MBP: variants seen among roughly 807,000 people sequenced by gnomAD.
MBP encodes the protein myelin basic protein.
MBP carries 16 observed loss-of-function variants against 35.8 expected under a neutral mutation model. That is an observed-to-expected ratio of 0.45 (90% CI 0.30 to 0.68). The LOEUF (loss-of-function observed/expected upper bound fraction) is 0.68. Among genes scored for constraint, MBP ranks in the 30% least tolerant of loss-of-function variants. MBP has a pLI of 0.08. For missense variants in MBP, 380 were observed against 404.7 expected, an observed-to-expected ratio of 0.94 and a Z score of 0.52; for synonymous variants, 143 against 159.6, an observed-to-expected ratio of 0.90 and a Z score of 0.78.
intron 4 of MBP, among the ~76,000 whole-genome samples, chr18:76,996,566 G>A (rs999189031): frequency 6.6e-6 from 1 of 152,164 alleles, no homozygotes; most frequent in Non-Finnish European, 1.5e-5. Flanking sequence ...CTTGTTACAG[G>A]CAACAGCTTA....
At chr18:77,072,187 T>C (rs1420667331) in intron 2 of MBP, among the ~76,000 whole-genome samples, 2 of 152,136 alleles carry the variant, frequency 1.3e-5, no homozygotes, top group African/African-American at 4.8e-5. Context: ...ATAATTCTTA[T>C]CTCATTTCTA....
chr18:77,011,908 G>T (rs1971376789), intron 4 of MBP, among the ~76,000 whole-genome samples: 1 of 152,220 alleles, frequency 6.6e-6, no homozygotes, highest in African/African-American at 2.4e-5. Flanking sequence ...GAGTGCTATT[G>T]TGTGTTTTTT....
At chr18:77,084,413 C>CCT (rs1555726620) in intron 2 of MBP, among the ~76,000 whole-genome samples, 30 of 46,230 alleles carry the variant, frequency 6.5e-4, no homozygotes, top group Non-Finnish European at 1.5e-3. Flanking sequence ...ACAACACCGC[C>CCT]CCCCCCGCCA....
intron 7 of MBP, chr18:76,986,314 C>G (rs1969555831): frequency 2.0e-6 from 2 of 985,382 alleles, no homozygotes; most frequent in South Asian, 9.4e-5. Context: ...CAGCCTGCAG[C>G]CTTTCTTCCA....
At chr18:77,009,904 C>A (rs367640323) in intron 4 of MBP, 1 of 1,593,758 alleles carries the variant, frequency 6.3e-7, no homozygotes, top group East Asian at 2.3e-5. Flanking sequence ...CAGAGGGCTC[C>A]GGCCCGGCTT....
At chr18:77,008,439 G>A (rs893549899) in intron 4 of MBP, among the ~76,000 whole-genome samples, 1 of 152,212 alleles carries the variant, frequency 6.6e-6, no homozygotes, top group African/African-American at 2.4e-5. Context: ...AAAACCAAGT[G>A]CGGCTTCACA....
At chr18:76,991,949 T>A (rs1462530494) in intron 4 of MBP, among the ~76,000 whole-genome samples, 2 of 152,218 alleles carry the variant, frequency 1.3e-5, no homozygotes, top group African/African-American at 4.8e-5. Flanking sequence ...AATGGTGGAA[T>A]TCAGTGGGTG....
At chr18:76,991,031 C>T (rs2123152253) in intron 4 of MBP, 1 of 199,438 alleles carries the variant, frequency 5.0e-6, no homozygotes, top group Non-Finnish European at 1.1e-5. Flanking sequence ...CCCCAGGCTT[C>T]TGGGCTGAAT....
At chr18:77,050,180 CAT>C (rs1435923850) in intron 3 of MBP, among the ~76,000 whole-genome samples, 8 of 152,294 alleles carry the variant, frequency 5.3e-5, no homozygotes, top group Admixed American at 2.0e-4. Flanking sequence ...CAAGAAATCA[CAT>C]GTCTAAAAAT....
intron 2 of MBP, among the ~76,000 whole-genome samples, chr18:77,089,842 T>A (rs1294698222): frequency 2.6e-5 from 4 of 152,212 alleles, no homozygotes; most frequent in African/African-American, 9.6e-5. Flanking sequence ...TTCAGGCCCT[T>A]GTCTCTTCTT....
chr18:77,033,714 C>T (rs553280702), intron 3 of MBP, among the ~76,000 whole-genome samples: 1 of 151,914 alleles, frequency 6.6e-6, no homozygotes, highest in African/African-American at 2.4e-5. Context: ...CATCCATTCA[C>T]CCAGCATCTG....
At chr18:77,019,819 C>G (rs1310265211) in intron 3 of MBP, among the ~76,000 whole-genome samples, 1 of 152,182 alleles carries the variant, frequency 6.6e-6, no homozygotes, top group Non-Finnish European at 1.5e-5. Context: ...GCAGCCCCCA[C>G]TGGAAGCCTG....
At chr18:77,090,219 G>C (rs186110901) in intron 2 of MBP, among the ~76,000 whole-genome samples, 4 of 152,154 alleles carry the variant, frequency 2.6e-5, no homozygotes, top group Non-Finnish European at 5.9e-5. Context: ...TGAGACAAAC[G>C]TGCTTTCCTC....
At chr18:77,090,855 G>A (rs1052204894) in intron 2 of MBP, among the ~76,000 whole-genome samples, 4 of 152,132 alleles carry the variant, frequency 2.6e-5, no homozygotes, top group East Asian at 3.9e-4. Flanking sequence ...CTCTCCCCTC[G>A]TTCCCCTGGA....
At position 76,980,230 on chromosome 18, in the gene MBP, G is replaced by A; in HGVS notation, c.*197C>T. The A allele has an allele frequency of 1.5e-6, 1 of 683,472 alleles. No homozygotes were observed. Among genetic ancestry groups the A allele is most frequent in the Non-Finnish European group, 2.7e-6 (1 of 377,070 alleles). 42.3% of individuals were successfully genotyped at this position (683,472 alleles called of 1,614,324 possible). A position where few individuals can be genotyped will look rare whatever the true frequency, so the allele number is the denominator to read the frequency against. ...AAAGGGACAGTTTTAACCGTTTTCT[G>A]TTTTCATGTTCTCATTTAACTGTTG... On this transcript the variant is annotated 3_prime_UTR_variant, in exon 9 of 9. Transcript: ENST00000355994.
intron 3 of MBP, among the ~76,000 whole-genome samples, chr18:77,051,257 T>G (rs1973476508): frequency 6.6e-6 from 1 of 152,220 alleles, no homozygotes; most frequent in South Asian, 2.1e-4. Context: ...ACGTTCCCAT[T>G]TCAGTGTGCC....
At chr18:77,052,097 T>C (rs1221494407) in intron 3 of MBP, among the ~76,000 whole-genome samples, 1 of 152,154 alleles carries the variant, frequency 6.6e-6, no homozygotes, top group Non-Finnish European at 1.5e-5. Flanking sequence ...CCCGAGACTG[T>C]GCCCTCTGAG....
chr18:77,096,140 G>T (rs796313184), intron 2 of MBP, among the ~76,000 whole-genome samples: 4 of 152,308 alleles, frequency 2.6e-5, no homozygotes, highest in African/African-American at 9.6e-5. Context: ...ACTCCTAGTT[G>T]GAAAAAGTCA....
In MBP at chr18:77,018,957, T is replaced by TTC. The variant is rs1568295570; in HGVS notation, c.140-1690_140-1689insGA. Reference sequence around the variant, plus strand: ...TTACCTACCTGTTCATCCATCCATCTATCCATTCATCCATCCATCCATCCA... The same window carrying TTC: ...TTACCTACCTGTTCATCCATCCATCTTCATCCATTCATCCATCCATCCATCCA... On this transcript the variant is annotated intron_variant, in intron 3 of 8. Coordinates refer to ENST00000355994, the MANE Select transcript of MBP (RefSeq NM_001025101.2). Among the ~76,000 whole-genome samples the TTC allele has an allele frequency of 8.2e-4, 50 of 61,172 alleles. 1 individual carries two copies. Among genetic ancestry groups the TTC allele is most frequent in the Admixed American group, 6.8e-3 (42 of 6,200 alleles). 40.1% of individuals were successfully genotyped at this position (61,172 alleles called of 152,430 possible). A position where few individuals can be genotyped will look rare whatever the true frequency, so the allele number is the denominator to read the frequency against.
Sources: allele counts gnomAD v4.1 joint callset (sites outside exome capture counted in the v4.1 genomes callset), GRCh38; gene constraint gnomAD v4.1.1; transcripts MANE v1.5; gene names NCBI Gene and HGNC (gene_info 2026-07-23, HGNC 2026-07-21).